ANKRD11: variants seen among roughly 807,000 people sequenced by gnomAD.
ANKRD11 encodes ankyrin repeat domain 11, also known as ankyrin repeat domain-containing protein 11.
Under a neutral mutation model 195.7 loss-of-function variants are expected in ANKRD11, and 17 were observed. The observed-to-expected ratio is 0.09, with a 90% confidence interval of 0.06 to 0.13. The LOEUF is 0.13. Ranked by LOEUF, ANKRD11 falls within the 10% of genes least tolerant of loss-of-function variation. ANKRD11 has a pLI of 1.00. For missense variants in ANKRD11, 3,735 were observed against 3,566.1 expected (o/e 1.05, Z -1.21); for synonymous variants, 1,953 against 1,528.1 (o/e 1.28, Z -6.49).
In ANKRD11 at chr16:89,280,481, A is replaced by AGGCGGGAGG. The variant is rs775221712; in HGVS notation, c.6052_6060dup (p.Pro2018_Ala2020dup). 2 of 1,588,916 alleles carry AGGCGGGAGG rather than the reference A, an allele frequency of 1.3e-6. No homozygotes were observed. The highest frequency in any genetic ancestry group is 1.3e-5 in the African/African-American group (1 of 74,206). ...ACGGGCAGAGCGTACGGGGCAGGAG[A>AGGCGGGAGG]GGCGGGAGGGGCGGGGTACGGCGCC... On this transcript the variant is annotated inframe_insertion, in exon 9 of 13. Transcript: ENST00000301030.
intron 2 of ANKRD11, among the ~76,000 whole-genome samples, chr16:89,386,057 T>G (rs76729619): frequency 0.019 from 2,851 of 152,316 alleles, 82 homozygotes; most frequent in African/African-American, 0.065. Flanking sequence ...TGGGTCCAAT[T>G]TGTCTGCAAG....
intron 2 of ANKRD11, among the ~76,000 whole-genome samples, chr16:89,344,347 T>C (rs1284016408): frequency 1.3e-5 from 2 of 152,036 alleles, no homozygotes; most frequent in Non-Finnish European, 2.9e-5. Flanking sequence ...GCTGCAACCA[T>C]CCAAAGACAC....
Position 89,288,145 on chromosome 16 carries a change from T to C in ANKRD11, c.744+383A>G, listed in dbSNP as rs1225056361. The C allele has an allele frequency of 6.6e-6, 4 of 602,198 alleles. No individual in the cohort carries two copies. The African/African-American group carries it at 7.4e-5, about 11-fold the overall frequency. The allele number at this position is 602,198 out of a possible 1,614,324, so 37.3% of individuals were successfully genotyped here. A position where few individuals can be genotyped will look rare whatever the true frequency, so the allele number is the denominator to read the frequency against. On this transcript the variant is annotated intron_variant, in intron 7 of 12. Coordinates refer to ENST00000301030, the MANE Select transcript of ANKRD11 (RefSeq NM_013275.6). ...ACTGGCCACACCTCTTGGTGTTACC[T>C]CATTCCAGACGAGGGTGGGTCTGCC... is the stretch of plus-strand genomic sequence containing the variant.
intron 3 of ANKRD11, among the ~76,000 whole-genome samples, chr16:89,314,299 T>C (rs1166829050): frequency 6.6e-6 from 1 of 151,954 alleles, no homozygotes; most frequent in Non-Finnish European, 1.5e-5. Context: ...CACATACAAC[T>C]GAACCCATAA....
rs149507923 is a variant in ANKRD11, at chr16:89,292,272, C to A, written c.227-1089G>T. Among the ~76,000 whole-genome samples the A allele has an allele frequency of 1.1e-4, 17 of 152,310 alleles. No homozygotes were observed. The East Asian group carries it at 3.3e-3, about 29-fold the overall frequency. ...AAGCCTCTCTTCAGGACTTCTCCCT[C>A]GGCTGGTGTTTGATCCTACAGAGGT... On this transcript the variant is annotated intron_variant, in intron 4 of 12. Transcript: ENST00000301030.
Position 89,286,084 on chromosome 16 carries a change from G to A in ANKRD11, c.847C>T (p.Leu283=), listed in dbSNP as rs1335334381. 6.2e-7 allele frequency: 1 copy of A among 1,614,248 alleles called. No individual in the cohort carries two copies. The highest frequency in any genetic ancestry group is 2.2e-5 in the East Asian group (1 of 44,884). ...VANSPTMVNL[L]LGKGTYTSSE... ...GAAGTGTAAGTGCCTTTGCCTAACA[G>A]GAGGTTCACCATCGTGGGGGAGTTG... The change falls in exon 8 of 13, where the codon CTG becomes TTG. Residue 283 remains leucine, a synonymous_variant. Coordinates refer to ENST00000301030, the MANE Select transcript of ANKRD11 (RefSeq NM_013275.6).
chr16:89,477,931 C>A (rs2057311043), intron 1 of ANKRD11, among the ~76,000 whole-genome samples: 2 of 152,094 alleles, frequency 1.3e-5, no homozygotes, highest in Non-Finnish European at 1.5e-5. Context: ...GCACTCCAGT[C>A]TGGGGACAGA....
In ANKRD11 at chr16:89,404,213, A is replaced by G. The variant is rs550761400; in HGVS notation, c.-60+14071T>C. 6.6e-5 allele frequency among the ~76,000 whole-genome samples: 10 copies of G among 152,316 alleles called. No homozygotes were observed. The East Asian group carries it at 1.9e-3, about 29-fold the overall frequency. ...TCAGGCAGCATGGGGTTGAGAGGGG[A>G]AGCCCAGTTTGGCCGACTGTAGAAC... On this transcript the variant is annotated intron_variant, in intron 2 of 12. Coordinates refer to ENST00000301030, the MANE Select transcript of ANKRD11 (RefSeq NM_013275.6).
intron 2 of ANKRD11, among the ~76,000 whole-genome samples, chr16:89,405,076 C>G (rs2041852170): frequency 6.6e-6 from 1 of 152,054 alleles, no homozygotes; most frequent in African/African-American, 2.4e-5. Flanking sequence ...CCGTCACACG[C>G]TCTCACAGGA....
chr16:89,334,028 A>G (rs2038201904), intron 2 of ANKRD11, among the ~76,000 whole-genome samples: 1 of 151,896 alleles, frequency 6.6e-6, no homozygotes, highest in Non-Finnish European at 1.5e-5. Flanking sequence ...ATACAGAAAT[A>G]AGGCCAGGTG....
At chr16:89,365,290 C>T (rs1443806507) in intron 2 of ANKRD11, among the ~76,000 whole-genome samples, 1 of 152,166 alleles carries the variant, frequency 6.6e-6, no homozygotes, top group Non-Finnish European at 1.5e-5. Context: ...GTAGTCTAAA[C>T]CCTTGTGTCA....
At chr16:89,459,963 C>T (rs144014719) in intron 1 of ANKRD11, among the ~76,000 whole-genome samples, 95 of 151,420 alleles carry the variant, frequency 6.3e-4, no homozygotes, top group African/African-American at 2.2e-3. Flanking sequence ...AGGCCAGGTG[C>T]GGTGGCTCAC....
At chr16:89,297,449 T>C (rs2035513950) in intron 4 of ANKRD11, 1 of 152,106 alleles carries the variant, frequency 6.6e-6, no homozygotes, top group African/African-American at 2.4e-5. Flanking sequence ...TTCTCTTCCA[T>C]TTGACTAAAA....
chr16:89,269,167 CG>C (rs2032908914), intron 12 of ANKRD11, among the ~76,000 whole-genome samples: 4 of 152,038 alleles, frequency 2.6e-5, no homozygotes, highest in Admixed American at 1.3e-4. Flanking sequence ...CACAAGCAAC[CG>C]TGTAGAGAAT....
At chr16:89,444,516 G>A (rs1021133411) in intron 1 of ANKRD11, among the ~76,000 whole-genome samples, 1 of 152,104 alleles carries the variant, frequency 6.6e-6, no homozygotes, top group Non-Finnish European at 1.5e-5. Flanking sequence ...CGTTACCCTG[G>A]AGCTAGTCCA....
At chr16:89,366,040 T>A (rs1396410118) in intron 2 of ANKRD11, among the ~76,000 whole-genome samples, 1 of 150,340 alleles carries the variant, frequency 6.7e-6, no homozygotes, top group Non-Finnish European at 1.5e-5. Context: ...AGACATGATC[T>A]GATCACTTGA....
intron 2 of ANKRD11, among the ~76,000 whole-genome samples, chr16:89,336,936 G>A (rs774948585): frequency 1.4e-4 from 20 of 147,980 alleles, no homozygotes; most frequent in African/African-American, 2.2e-4. Flanking sequence ...TTAGGAGGCC[G>A]AGACAGGTGG....
In ANKRD11 at chr16:89,282,575, C is replaced by G. The variant is rs1305773987; in HGVS notation, c.3967G>C (p.Val1323Leu). The stretch of plus-strand genomic sequence containing the variant: ...TCTCCAGGTGGCTCCGTGAAAGAGA[C>G]CTCCAGGAAGGCAGTCAGCCCCGGC... ...QEPGLTAFLE[V>L]SFTEPPGDDK... is the part of the protein sequence containing the mutation. Residue 1323 changes from valine to leucine, a missense_variant, in exon 9 of 13, where the codon GTC becomes CTC. By Grantham distance (32) the Val-to-Leu change is conservative (BLOSUM62 1). Coordinates refer to ENST00000301030, the MANE Select transcript of ANKRD11 (RefSeq NM_013275.6). 2 of 1,614,148 alleles carry G rather than the reference C, an allele frequency of 1.2e-6. No individual in the cohort carries two copies. Among genetic ancestry groups the G allele is most frequent in the Non-Finnish European group, 1.7e-6 (2 of 1,180,016 alleles).
chr16:89,436,583 G>A (rs564602845), intron 1 of ANKRD11, among the ~76,000 whole-genome samples: 1 of 152,300 alleles, frequency 6.6e-6, no homozygotes, highest in South Asian at 2.1e-4. Flanking sequence ...CGCAAGAGCA[G>A]GACTGAAGCA....
Sources: gnomAD v4.1 joint callset for allele counts (sites outside exome capture counted in the v4.1 genomes callset) on GRCh38, gnomAD v4.1.1 for gene constraint, MANE v1.5 for transcripts, NCBI Gene and HGNC (gene_info 2026-07-23, HGNC 2026-07-21) for gene names.